Variants in DLGAP1 observed in about 807,000 individuals in gnomAD.
DLGAP1 encodes the protein DLG associated protein 1.
DLGAP1 carries 11 observed loss-of-function variants against 90.8 expected under a neutral mutation model. The ratio of observed to expected loss-of-function variants is 0.12; its 90% CI spans 0.08 to 0.20. DLGAP1 has a LOEUF of 0.20. Among genes scored for constraint, DLGAP1 ranks in the 10% least tolerant of loss-of-function variants. The pLI, the probability that DLGAP1 is intolerant of heterozygous loss-of-function variation, is 1.00. For missense variants in DLGAP1, 1,050 were observed against 1,333.8 expected (o/e 0.79, Z 3.31); for synonymous variants, 558 against 540.7 (o/e 1.03, Z -0.44).
intron 2 of DLGAP1, among the ~76,000 whole-genome samples, chr18:4,104,912 C>A (rs1043998757): frequency 6.6e-6 from 1 of 152,160 alleles, no homozygotes; most frequent in African/African-American, 2.4e-5. Context: ...TGTATTCCTT[C>A]ATGTTAACTT....
chr18:3,597,248 A>G (rs776174531), intron 7 of DLGAP1: 4 of 509,452 alleles, frequency 7.9e-6, no homozygotes, highest in South Asian at 5.8e-5. Context: ...GCACCTGCAC[A>G]ATGGGGCCTT....
intron 4 of DLGAP1, among the ~76,000 whole-genome samples, chr18:3,839,515 A>G (rs2068587702): frequency 6.6e-6 from 1 of 152,298 alleles, no homozygotes. Context: ...CTGGGCAAAG[A>G]GAAGAGAGGA....
intron 9 of DLGAP1, among the ~76,000 whole-genome samples, chr18:3,564,269 C>A (rs991906139): frequency 6.6e-6 from 1 of 152,198 alleles, no homozygotes; most frequent in Non-Finnish European, 1.5e-5. Flanking sequence ...TGAGCCTGTG[C>A]TCCTGGTCTG....
At chr18:4,137,043 C>T (rs1263395000) in intron 2 of DLGAP1, among the ~76,000 whole-genome samples, 2 of 152,100 alleles carry the variant, frequency 1.3e-5, no homozygotes, top group East Asian at 3.9e-4. Context: ...AATGCTATCC[C>T]TCCCCCCTTC....
chr18:4,082,542 G>A lies in DLGAP1; in HGVS notation c.-159+68638C>T, dbSNP rs552557091. Among the ~76,000 whole-genome samples, 282 of 113,832 alleles carry A rather than the reference G, an allele frequency of 2.5e-3. 8 individuals are homozygous for A. In the South Asian group the frequency reaches 0.056, roughly 23 times the overall value. 74.7% of individuals were successfully genotyped at this position (113,832 alleles called of 152,430 possible). A position where few individuals can be genotyped will look rare whatever the true frequency, so the allele number is the denominator to read the frequency against. The stretch of plus-strand genomic sequence containing the variant: ...AAAAAAAAAAAAAAAAAAGAAGGGT[G>A]TATAACCATCAGTACCCCATTCCAT... On this transcript the variant is annotated intron_variant, in intron 2 of 12. Transcript: ENST00000315677.
At chr18:3,830,935 A>G (rs1016936107) in intron 4 of DLGAP1, among the ~76,000 whole-genome samples, 2 of 152,230 alleles carry the variant, frequency 1.3e-5, no homozygotes, top group Admixed American at 1.3e-4. Flanking sequence ...TACATCACTC[A>G]GGTTGTACCT....
intron 7 of DLGAP1, chr18:3,721,826 T>C (rs1481696966): frequency 3.3e-5 from 5 of 152,206 alleles, no homozygotes; most frequent in East Asian, 1.9e-4. Context: ...CCTGGTCAAG[T>C]TGTGTAACCT....
At chr18:4,408,273 G>T (rs1010684568) in intron 1 of DLGAP1, among the ~76,000 whole-genome samples, 14 of 152,114 alleles carry the variant, frequency 9.2e-5, no homozygotes, top group Non-Finnish European at 7.4e-5. Context: ...TCGTGTGGGT[G>T]TGTTGCAGGG....
At chr18:3,986,167 T>C (rs1466174378) in intron 3 of DLGAP1, 1 of 152,196 alleles carries the variant, frequency 6.6e-6, no homozygotes, top group Non-Finnish European at 1.5e-5. Flanking sequence ...TTTTTTTTCC[T>C]TCTGTCACCA....
chr18:4,181,517 G>A (rs1192837199), intron 1 of DLGAP1, among the ~76,000 whole-genome samples: 1 of 152,150 alleles, frequency 6.6e-6, no homozygotes, highest in Non-Finnish European at 1.5e-5. Context: ...TGTGAACAAG[G>A]AGAAGCACTA....
chr18:4,356,665 T>C (rs1028971386), intron 1 of DLGAP1, among the ~76,000 whole-genome samples: 1 of 152,218 alleles, frequency 6.6e-6, no homozygotes, highest in African/African-American at 2.4e-5. Flanking sequence ...GACTGGATTC[T>C]TGAAATAGTT....
At chr18:3,839,052 T>C (rs114134996) in intron 4 of DLGAP1, among the ~76,000 whole-genome samples, 1,839 of 152,248 alleles carry the variant, frequency 0.012, 30 homozygotes, top group African/African-American at 0.042. Context: ...ATTTCATGCA[T>C]GAAGCAGCTC....
chr18:3,912,793 T>C (rs2148898261), intron 3 of DLGAP1, among the ~76,000 whole-genome samples: 1 of 152,188 alleles, frequency 6.6e-6, no homozygotes, highest in East Asian at 1.9e-4. Context: ...TTTCTTTCCA[T>C]GTCTTTGTTT....
chr18:4,378,259 C>T lies in DLGAP1; in HGVS notation c.-267+76747G>A, dbSNP rs976336501. Among the ~76,000 whole-genome samples the T allele has an allele frequency of 4.0e-5, 6 of 151,814 alleles. No homozygotes were observed. Among genetic ancestry groups the T allele is most frequent in the African/African-American group, 7.2e-5 (3 of 41,478 alleles). On this transcript the variant is annotated intron_variant, in intron 1 of 12. Coordinates refer to ENST00000315677, the MANE Select transcript of DLGAP1 (RefSeq NM_004746.4). This position sits in a 1 kb window ranked among gnomAD's most constrained non-coding sequence, Gnocchi z 4.5. ...GGAAAGAGGTAAGAATAAAAGTCTT[C>T]GCATTTTACATTTTATTTTTCACAT... is the stretch of plus-strand genomic sequence containing the variant.
intron 10 of DLGAP1, among the ~76,000 whole-genome samples, chr18:3,509,847 T>C (rs144680855): frequency 1.2e-3 from 182 of 152,328 alleles, no homozygotes; most frequent in East Asian, 3.1e-3. Context: ...TGGTTTCTGA[T>C]GCACATTCTA....
chr18:3,801,744 A>G (rs923563170), intron 5 of DLGAP1, among the ~76,000 whole-genome samples: 2 of 152,224 alleles, frequency 1.3e-5, no homozygotes, highest in Admixed American at 1.3e-4. Flanking sequence ...AGAAAAACAA[A>G]TAAAGAAGCC....
chr18:3,677,407 T>C (rs756318922), intron 7 of DLGAP1, among the ~76,000 whole-genome samples: 24 of 152,230 alleles, frequency 1.6e-4, no homozygotes, highest in Admixed American at 1.5e-3. Flanking sequence ...AAACTAGCCA[T>C]TCCAACAAGA....
chr18:3,835,001 G>A (rs1044794327), intron 4 of DLGAP1, among the ~76,000 whole-genome samples: 16 of 152,208 alleles, frequency 1.1e-4, no homozygotes, highest in Non-Finnish European at 1.8e-4. Context: ...TCAAAGAATC[G>A]TCATTACAGA....
chr18:4,266,600 T>C (rs138709349), intron 1 of DLGAP1, among the ~76,000 whole-genome samples: 107 of 152,366 alleles, frequency 7.0e-4, no homozygotes, highest in African/African-American at 2.3e-3. Context: ...GTAAAAATAA[T>C]TATTTCAATT....
Sources: allele counts gnomAD v4.1 joint callset (sites outside exome capture counted in the v4.1 genomes callset), GRCh38; gene constraint gnomAD v4.1.1; non-coding constraint Gnocchi (gnomAD v3.1); transcripts MANE v1.5; gene names NCBI Gene and HGNC (gene_info 2026-07-23, HGNC 2026-07-21).